The following DLGAP1 variants were observed in gnomAD, a reference collection of about 807,000 sequenced individuals.
DLGAP1 encodes disks large-associated protein 1.
Under a neutral mutation model 90.8 loss-of-function variants are expected in DLGAP1, and 11 were observed. That is an observed-to-expected ratio of 0.12 (90% CI 0.08 to 0.20). DLGAP1 has a LOEUF of 0.20. DLGAP1 is among the 10% of genes least tolerant of loss of function. The pLI is 1.00. For missense variants in DLGAP1, 1,050 were observed against 1,333.8 expected (o/e 0.79, Z 3.31); for synonymous variants, 558 against 540.7 (o/e 1.03, Z -0.44).
intron 4 of DLGAP1, among the ~76,000 whole-genome samples, chr18:3,829,395 A>T (rs1466356426): frequency 1.5e-5 from 2 of 137,124 alleles, no homozygotes; most frequent in African/African-American, 5.4e-5. Context: ...TTCATGATAG[A>T]GCTGACCCTT....
At chr18:3,788,632 G>A (rs935755915) in intron 5 of DLGAP1, among the ~76,000 whole-genome samples, 4 of 152,160 alleles carry the variant, frequency 2.6e-5, no homozygotes, top group African/African-American at 9.7e-5. Flanking sequence ...CACGTTGGCA[G>A]GCTCCTCTGG....
chr18:3,741,052 C>T (rs1048527517), intron 6 of DLGAP1, among the ~76,000 whole-genome samples: 11 of 121,164 alleles, frequency 9.1e-5, no homozygotes, highest in Admixed American at 2.4e-4. Context: ...CTCACCACCA[C>T]CACCATCACC....
intron 7 of DLGAP1, among the ~76,000 whole-genome samples, chr18:3,705,578 T>TA (rs1410717559): frequency 6.6e-6 from 1 of 151,624 alleles, no homozygotes; most frequent in Non-Finnish European, 1.5e-5. Flanking sequence ...GCCCAGGACT[T>TA]AAACACAATT....
chr18:4,021,002 C>G (rs367963157), intron 2 of DLGAP1, among the ~76,000 whole-genome samples: 4 of 152,154 alleles, frequency 2.6e-5, no homozygotes, highest in African/African-American at 9.6e-5. Context: ...AATAGTAGAC[C>G]GCAAGAAAAA....
intron 1 of DLGAP1, among the ~76,000 whole-genome samples, chr18:4,256,417 C>G (rs1377396242): frequency 6.6e-6 from 1 of 152,040 alleles, no homozygotes; most frequent in Non-Finnish European, 1.5e-5. Context: ...TAAATAAATA[C>G]ATAAAATAAA....
intron 7 of DLGAP1, among the ~76,000 whole-genome samples, chr18:3,656,443 T>A (rs1160004537): frequency 6.6e-6 from 1 of 152,174 alleles, no homozygotes; most frequent in African/African-American, 2.4e-5. Flanking sequence ...CAATAAAAGT[T>A]CACACAATAG....
chr18:3,752,307 A>C (rs139862061), intron 5 of DLGAP1, among the ~76,000 whole-genome samples: 2 of 152,240 alleles, frequency 1.3e-5, no homozygotes, highest in Non-Finnish European at 2.9e-5. Context: ...ACTGAATTTT[A>C]GAACATTTTC....
chr18:3,547,073 A>G (rs1200852105), intron 9 of DLGAP1, among the ~76,000 whole-genome samples: 2 of 151,980 alleles, frequency 1.3e-5, no homozygotes, highest in African/African-American at 2.4e-5. Flanking sequence ...AGGCCGTGGC[A>G]GGTGGATCAC....
intron 5 of DLGAP1, among the ~76,000 whole-genome samples, chr18:3,756,525 A>G (rs780055224): frequency 1.3e-5 from 2 of 152,154 alleles, no homozygotes; most frequent in Non-Finnish European, 2.9e-5. Flanking sequence ...AAAAGAAATT[A>G]TCTCAAATTA....
chr18:4,013,989 A>G (rs1032073836), intron 2 of DLGAP1: 1 of 152,172 alleles, frequency 6.6e-6, no homozygotes, highest in Admixed American at 6.5e-5. Flanking sequence ...TCTGTAAGAG[A>G]CTATGAAAAT....
intron 1 of DLGAP1, among the ~76,000 whole-genome samples, chr18:4,322,998 G>A (rs1232690584): frequency 9.6e-5 from 14 of 145,088 alleles, no homozygotes; most frequent in African/African-American, 3.5e-4. Flanking sequence ...AGAAGGAAAC[G>A]AGAGACTGCA....
At chr18:3,899,430 G>C (rs1253177368) in intron 3 of DLGAP1, among the ~76,000 whole-genome samples, 1 of 152,230 alleles carries the variant, frequency 6.6e-6, no homozygotes, top group African/African-American at 2.4e-5. Flanking sequence ...AGTGGTACCT[G>C]TGTAAGTCAG....
intron 4 of DLGAP1, among the ~76,000 whole-genome samples, chr18:3,862,807 T>G (rs915268931): frequency 6.6e-6 from 1 of 152,228 alleles, no homozygotes; most frequent in Non-Finnish European, 1.5e-5. Context: ...AAAAGAAGTT[T>G]TAATGGTGGA....
At chr18:4,184,480 A>T (rs540782719) in intron 1 of DLGAP1, among the ~76,000 whole-genome samples, 108 of 152,224 alleles carry the variant, frequency 7.1e-4, no homozygotes, top group African/African-American at 2.6e-3. Context: ...AGAGAAGAAA[A>T]ATCCCTCAGT....
At chr18:4,158,442 C>T (rs146613921) in intron 1 of DLGAP1, among the ~76,000 whole-genome samples, 6 of 152,238 alleles carry the variant, frequency 3.9e-5, no homozygotes, top group African/African-American at 1.4e-4. Context: ...GCCCTGGGCC[C>T]TGCAAATTAT....
At chr18:4,338,236 G>A (rs909565314) in intron 1 of DLGAP1, among the ~76,000 whole-genome samples, 1 of 152,084 alleles carries the variant, frequency 6.6e-6, no homozygotes, top group Admixed American at 6.6e-5. Flanking sequence ...TACTGTTAAA[G>A]GATTTAAAAG....
At chr18:4,302,124 G>A (rs2080140343) in intron 1 of DLGAP1, among the ~76,000 whole-genome samples, 1 of 152,104 alleles carries the variant, frequency 6.6e-6, no homozygotes, top group Non-Finnish European at 1.5e-5. Flanking sequence ...CATTTGTTGT[G>A]CAGAAGCTGT....
chr18:4,119,616 C>T (rs1454610193), intron 2 of DLGAP1, among the ~76,000 whole-genome samples: 1 of 152,166 alleles, frequency 6.6e-6, no homozygotes, highest in East Asian at 1.9e-4. Context: ...ACAGGTTGTT[C>T]TGGCAGAGCT....
chr18:3,899,586 T>C (rs2071738049), intron 3 of DLGAP1, among the ~76,000 whole-genome samples: 1 of 152,256 alleles, frequency 6.6e-6, no homozygotes, highest in Non-Finnish European at 1.5e-5. Context: ...TTATTCTCCT[T>C]ACACTCTGTA....
Sources: gnomAD v4.1 joint callset for allele counts (sites outside exome capture counted in the v4.1 genomes callset) on GRCh38, gnomAD v4.1.1 for gene constraint, MANE v1.5 for transcripts, NCBI Gene and HGNC (gene_info 2026-07-23, HGNC 2026-07-21) for gene names.